The following OPN3 variants were observed in gnomAD, a reference collection of about 807,000 sequenced individuals.
The protein encoded by OPN3 is opsin 3, also known as opsin-3.
OPN3 carries 29 observed loss-of-function variants against 33.8 expected under a neutral mutation model. The observed-to-expected ratio is 0.86, with a 90% CI of 0.64 to 1.17. OPN3 has a LOEUF of 1.17. Ranked by LOEUF, OPN3 falls within the 50% of genes most tolerant of loss-of-function variation. The probability of loss-of-function intolerance (pLI) is 0.00; values close to 1 mark genes in which losing one functional copy is unlikely to be tolerated. For missense variants in OPN3, 437 were observed against 514.1 expected (o/e 0.85, Z 1.45); for synonymous variants, 216 against 216.1 (o/e 1.00, Z 0.00).
intron 1 of OPN3, among the ~76,000 whole-genome samples, chr1:241,610,140 G>A (rs1322488306): frequency 6.6e-5 from 10 of 152,206 alleles, no homozygotes; most frequent in Non-Finnish European, 1.5e-5. Flanking sequence ...ATATCATTAG[G>A]CTTTGCCTAA....
At position 241,594,655 on chromosome 1, in the gene OPN3, G is replaced by A. The variant is rs370823445; in HGVS notation, c.982C>T (p.Leu328=). 6.2e-7 allele frequency: 1 copy of A among 1,613,942 alleles called. No individual in the cohort carries two copies. Among genetic ancestry groups the A allele is most frequent in the Non-Finnish European group, 8.5e-7 (1 of 1,179,960 alleles). Residue 328 remains leucine (L), a synonymous_variant, in exon 4 of 4, where the codon CTG becomes TTG. Coordinates refer to ENST00000366554, the MANE Select transcript of OPN3 (RefSeq NM_014322.3). The part of the protein sequence containing the change: ...RSLLQLLCLR[L]LRCQRPAKDL... The stretch of plus-strand genomic sequence containing the variant: ...TTAGCAGGCCTCTGGCACCTCAGCA[G>A]TCGGAGGCACAGAAGCTGCAAAAGG...
chr1:241,604,989 G>A (rs576290934), intron 1 of OPN3, among the ~76,000 whole-genome samples: 16 of 151,394 alleles, frequency 1.1e-4, no homozygotes, highest in African/African-American at 3.4e-4. Context: ...CAGAGAGGTC[G>A]AGGTTGCAGT....
intron 1 of OPN3, chr1:241,628,715 CCCCA>C (rs1664497489): frequency 6.6e-6 from 1 of 152,112 alleles, no homozygotes; most frequent in Admixed American, 6.5e-5. Context: ...AAGAATTCCT[CCCCA>C]CCAAGATTTG....
chr1:241,635,256 C>G (rs775707368), intron 1 of OPN3: 1 of 1,613,940 alleles, frequency 6.2e-7, no homozygotes, highest in Non-Finnish European at 8.5e-7. Context: ...TCCTCTACAT[C>G]AGTTACTTCT....
intron 1 of OPN3, among the ~76,000 whole-genome samples, chr1:241,627,106 G>A (rs61509557): frequency 0.052 from 7,922 of 152,022 alleles, 658 homozygotes; most frequent in African/African-American, 0.18. Flanking sequence ...ACATCAGCAG[G>A]GACCAATGAA....
intron 1 of OPN3, chr1:241,631,737 C>T (rs1288750755): frequency 6.6e-6 from 1 of 152,224 alleles, no homozygotes; most frequent in Non-Finnish European, 1.5e-5. Context: ...GATCCATGCT[C>T]TAAAATATGT....
In OPN3 at chr1:241,594,437, A is replaced by G. The variant is rs775014277; in HGVS notation, c.1200T>C (p.Arg400=). The G allele has an allele frequency of 1.2e-6, 2 of 1,612,218 alleles. No homozygotes were observed. The highest frequency in any genetic ancestry group is 4.5e-5 in the East Asian group (2 of 44,818). Reference sequence around the variant, plus strand: ...TTGCCATTCTTCATTCCTACAAAGGACGAACTTGGATTACATCAACTTTGG... The same window carrying G: ...TTGCCATTCTTCATTCCTACAAAGGGCGAACTTGGATTACATCAACTTTGG... The part of the protein sequence containing the change: ...NGSKVDVIQV[R]PL The change falls in exon 4 of 4, where the codon CGT becomes CGC. Residue 400 remains arginine, a synonymous_variant. Coordinates refer to ENST00000366554, the MANE Select transcript of OPN3 (RefSeq NM_014322.3).
At chr1:241,614,988 T>C (rs966965807) in intron 1 of OPN3, among the ~76,000 whole-genome samples, 1 of 152,218 alleles carries the variant, frequency 6.6e-6, no homozygotes, top group African/African-American at 2.4e-5. Context: ...TAGAACTTTT[T>C]CCACACTTAT....
At chr1:241,617,834 T>G (rs943971404) in intron 1 of OPN3, among the ~76,000 whole-genome samples, 5 of 152,196 alleles carry the variant, frequency 3.3e-5, no homozygotes, top group Non-Finnish European at 7.3e-5. Flanking sequence ...AGTTCTATGT[T>G]TGGGCAAAAT....
chr1:241,604,223 T>C (rs778526735), intron 2 of OPN3, 37 bp downstream of exon 2: 125 of 1,567,634 alleles, frequency 8.0e-5, no homozygotes, highest in Non-Finnish European at 1.0e-4. Flanking sequence ...ACCCTGGATG[T>C]GGTTTGGGAG....
At chr1:241,627,529 A>T (rs1028538672) in intron 1 of OPN3, among the ~76,000 whole-genome samples, 1 of 152,216 alleles carries the variant, frequency 6.6e-6, no homozygotes, top group Non-Finnish European at 1.5e-5. Flanking sequence ...TGAGGATCAC[A>T]TAAGAAAATG....
intron 2 of OPN3, among the ~76,000 whole-genome samples, chr1:241,602,205 A>G (rs1439456770): frequency 6.6e-6 from 1 of 152,194 alleles, no homozygotes; most frequent in Non-Finnish European, 1.5e-5. Context: ...ATGGCGCCAG[A>G]GAGTCAGCAA....
chr1:241,626,506 C>G (rs956952115), intron 1 of OPN3, among the ~76,000 whole-genome samples: 2 of 152,088 alleles, frequency 1.3e-5, no homozygotes, highest in African/African-American at 2.4e-5. Flanking sequence ...AAAATGAGAA[C>G]AGAACAATGT....
Position 241,634,873 on chromosome 1 carries a change from C to A in OPN3, c.373+5009G>T, listed in dbSNP as rs572294435. Reference sequence around the variant, plus strand: ...ACTCTAAACAAAATGTGAGAAATTTCATTAGCATCCTCTTTTCAACCATGG... The same window carrying A: ...ACTCTAAACAAAATGTGAGAAATTTAATTAGCATCCTCTTTTCAACCATGG... On this transcript the variant is annotated intron_variant, in intron 1 of 3. Transcript: ENST00000366554. 1.6e-5 allele frequency: 26 copies of A among 1,609,402 alleles called. No individual in the cohort carries two copies. In the South Asian group the frequency reaches 2.7e-4, roughly 16 times the overall value.
At chr1:241,608,227 T>C (rs1304913907) in intron 1 of OPN3, among the ~76,000 whole-genome samples, 1 of 152,222 alleles carries the variant, frequency 6.6e-6, no homozygotes, top group Non-Finnish European at 1.5e-5. Flanking sequence ...CTGTTGTAAA[T>C]TAGTAAATTT....
intron 1 of OPN3, among the ~76,000 whole-genome samples, chr1:241,623,554 CATCT>C (rs1161145906): frequency 3.9e-5 from 6 of 152,190 alleles, no homozygotes; most frequent in Admixed American, 3.9e-4. Context: ...CTTCCAGAGC[CATCT>C]ACTGATCACC....
At chr1:241,637,082 C>T (rs1487997587) in intron 1 of OPN3, among the ~76,000 whole-genome samples, 1 of 152,176 alleles carries the variant, frequency 6.6e-6, no homozygotes, top group African/African-American at 2.4e-5. Flanking sequence ...TGCTGAAGAG[C>T]ATACTCACCT....
intron 1 of OPN3, chr1:241,616,066 A>G (rs1482783057): frequency 4.7e-6 from 2 of 425,362 alleles, no homozygotes; most frequent in Non-Finnish European, 9.6e-6. Flanking sequence ...CTGCGTTAGT[A>G]TCAGGTGGTC....
At chr1:241,606,832 C>T (rs552100739) in intron 1 of OPN3, among the ~76,000 whole-genome samples, 5 of 152,232 alleles carry the variant, frequency 3.3e-5, no homozygotes, top group African/African-American at 1.2e-4. Flanking sequence ...GTGTGGGTGG[C>T]AAACGGGTTA....
Sources: gnomAD v4.1 joint callset for allele counts (sites outside exome capture counted in the v4.1 genomes callset) on GRCh38, gnomAD v4.1.1 for gene constraint, MANE v1.5 for transcripts, NCBI Gene and HGNC (gene_info 2026-07-23, HGNC 2026-07-21) for gene names.